The following PAMR1 variants were observed in gnomAD, a reference collection of about 807,000 sequenced individuals.
PAMR1 encodes inactive serine protease PAMR1.
In PAMR1, 88 loss-of-function variants were observed where a neutral mutation model predicts 81.8. The observed-to-expected ratio is 1.08, with a 90% confidence interval of 0.91 to 1.28. The LOEUF is 1.28. PAMR1 is among the 50% of genes most tolerant of loss of function. The pLI is 0.00. For synonymous variants in PAMR1, 336 were observed against 345.3 expected (o/e 0.97, Z 0.30); for missense variants, 935 against 919.7 (o/e 1.02, Z -0.21).
intron 5 of PAMR1, among the ~76,000 whole-genome samples, chr11:35,469,564 G>A (rs1282931745): frequency 1.3e-5 from 2 of 152,198 alleles, no homozygotes; most frequent in African/African-American, 4.8e-5. Context: ...GCCCTGCACA[G>A]CTCCACAGGG....
chr11:35,494,219 G>C lies in PAMR1; in HGVS notation c.127C>G (p.Arg43Gly). The change falls in exon 2 of 11, where the codon CGG becomes GGG. Residue 43 changes from arginine to glycine, a missense_variant. Coordinates refer to ENST00000619888, the MANE Select transcript of PAMR1 (RefSeq NM_001001991.3). ...ATCTGATCATATTCACAGCACTCCC[G>C]ACACATGATATTCCACTCTGCTCCA... ...CPGAEWNIMC[R>G]ECCEYDQIEC... The C allele has an allele frequency of 1.2e-6, 2 of 1,614,066 alleles. No homozygotes were observed. Among genetic ancestry groups the C allele is most frequent in the Non-Finnish European group, 1.7e-6 (2 of 1,179,928 alleles).
At chr11:35,517,315 C>T (rs566713305) in intron 1 of PAMR1, among the ~76,000 whole-genome samples, 171 of 152,298 alleles carry the variant, frequency 1.1e-3, no homozygotes, top group Non-Finnish European at 2.0e-3. Context: ...TCTCAGCAAA[C>T]GTTAAGTGAT....
intron 8 of PAMR1, among the ~76,000 whole-genome samples, chr11:35,437,957 G>A (rs1314195638): frequency 6.6e-6 from 1 of 152,230 alleles, no homozygotes; most frequent in Non-Finnish European, 1.5e-5. Flanking sequence ...CTGAGGAGGG[G>A]TGAAAGACTG....
At chr11:35,514,887 C>G (rs1424967356) in intron 1 of PAMR1, among the ~76,000 whole-genome samples, 1 of 152,072 alleles carries the variant, frequency 6.6e-6, no homozygotes, top group Non-Finnish European at 1.5e-5. Flanking sequence ...CAACTGTGGT[C>G]CCAGCTACTC....
chr11:35,494,637 G>C (rs965144014), intron 1 of PAMR1, among the ~76,000 whole-genome samples: 1 of 152,116 alleles, frequency 6.6e-6, no homozygotes, highest in African/African-American at 2.4e-5. Flanking sequence ...CCGGCCCAGG[G>C]AGTGGTAAGA....
At chr11:35,506,788 T>C (rs902316355) in intron 1 of PAMR1, among the ~76,000 whole-genome samples, 26 of 151,976 alleles carry the variant, frequency 1.7e-4, no homozygotes, top group African/African-American at 5.6e-4. Flanking sequence ...TAGGGTAGTC[T>C]TATTTGGGTC....
At chr11:35,508,818 T>G (rs987377929) in intron 1 of PAMR1, among the ~76,000 whole-genome samples, 16 of 152,278 alleles carry the variant, frequency 1.1e-4, no homozygotes, top group African/African-American at 3.8e-4. Flanking sequence ...TTTCTGTTCT[T>G]GTGTTAGTTG....
chr11:35,451,867 G>C, intron 6 of PAMR1: 1 of 704,766 alleles, frequency 1.4e-6, no homozygotes, highest in African/African-American at 1.8e-5. Context: ...CAAGAAGTCA[G>C]CATCTGAAGC....
chr11:35,494,251 G>C lies in PAMR1; in HGVS notation c.95C>G (p.Ala32Gly), dbSNP rs779554679. ...GATATTCCACTCTGCTCCAGGGCAG[G>C]CTTCATTAATGACTGTGTACTCTGA... ...LPREYTVINE[A>G]CPGAEWNIMC... Residue 32 changes from alanine to glycine, a missense_variant, in exon 2 of 11, where the codon GCC becomes GGC. Coordinates refer to ENST00000619888, the MANE Select transcript of PAMR1 (RefSeq NM_001001991.3). 5.6e-6 allele frequency: 9 copies of C among 1,613,958 alleles called. No homozygotes were observed. In the African/African-American group the frequency reaches 9.3e-5, roughly 17 times the overall value.
At chr11:35,523,996 A>T (rs999495007) in intron 1 of PAMR1, among the ~76,000 whole-genome samples, 3 of 152,060 alleles carry the variant, frequency 2.0e-5, no homozygotes, top group South Asian at 2.1e-4. Context: ...CCTGCCATGT[A>T]ATAAAACAGG....
chr11:35,514,433 C>G (rs1436607869), intron 1 of PAMR1, among the ~76,000 whole-genome samples: 2 of 152,152 alleles, frequency 1.3e-5, no homozygotes, highest in African/African-American at 2.4e-5. Context: ...TCCCTTTTCT[C>G]TAATCCCTCT....
intron 3 of PAMR1, among the ~76,000 whole-genome samples, chr11:35,486,159 T>G (rs982895652): frequency 6.6e-6 from 1 of 152,204 alleles, no homozygotes; most frequent in East Asian, 1.9e-4. Flanking sequence ...TGCGGAATCA[T>G]TGTGTTCCCT....
intron 1 of PAMR1, among the ~76,000 whole-genome samples, chr11:35,511,523 G>A (rs1851071869): frequency 6.6e-6 from 1 of 152,212 alleles, no homozygotes; most frequent in South Asian, 2.1e-4. Flanking sequence ...CTTTTGTCAT[G>A]TGCCTGTTCC....
chr11:35,459,831 G>C (rs1189903591), intron 6 of PAMR1, among the ~76,000 whole-genome samples: 1 of 152,202 alleles, frequency 6.6e-6, no homozygotes, highest in African/African-American at 2.4e-5. Context: ...TTGTCAAAAG[G>C]AGGGGAAAAT....
intron 1 of PAMR1, among the ~76,000 whole-genome samples, chr11:35,525,280 T>C (rs1476962142): frequency 6.6e-6 from 1 of 152,006 alleles, no homozygotes; most frequent in Non-Finnish European, 1.5e-5. Flanking sequence ...GCCCCACGAT[T>C]TGGGATGACA....
rs575654060 is a variant in PAMR1, at chr11:35,508,300, T to C, written c.74-14028A>G. ...AACATGCTTTGTGTTGGGAAGACTG[T>C]GGAGAGGGACATTATGGATATGGAA... On this transcript the variant is annotated intron_variant, in intron 1 of 10. Transcript: ENST00000619888. Among the ~76,000 whole-genome samples, 5 of 152,200 alleles carry C rather than the reference T, an allele frequency of 3.3e-5. No individual in the cohort carries two copies. The South Asian group carries it at 6.2e-4, about 19-fold the overall frequency.
intron 1 of PAMR1, among the ~76,000 whole-genome samples, chr11:35,509,651 A>G (rs755640986): frequency 9.2e-5 from 14 of 152,228 alleles, no homozygotes; most frequent in Admixed American, 2.0e-4. Context: ...TCACTTTACC[A>G]GTGAAGAAAA....
At chr11:35,528,842 T>C (rs1035705527), upstream of PAMR1, 4 of 152,298 alleles carry the variant, frequency 2.6e-5, no homozygotes, top group East Asian at 1.9e-4. Flanking sequence ...CTAATTTGGG[T>C]TTGTAAATTT....
Position 35,455,221 on chromosome 11 carries a change from T to A in PAMR1, c.820+12780A>T, listed in dbSNP as rs182605352. Among the ~76,000 whole-genome samples, 407 of 152,212 alleles carry A rather than the reference T, an allele frequency of 2.7e-3. 1 individual carries two copies. Among genetic ancestry groups the A allele is most frequent in the Non-Finnish European group, 4.7e-3 (319 of 68,008 alleles). On this transcript the variant is annotated intron_variant, in intron 6 of 10. Coordinates refer to ENST00000619888, the MANE Select transcript of PAMR1 (RefSeq NM_001001991.3). ...ACATGATGATAGTGATATCAGGGAG[T>A]AACTATATCAGGAAAATGTGGAGTT...
Sources: gnomAD v4.1 joint callset for allele counts (sites outside exome capture counted in the v4.1 genomes callset) on GRCh38, gnomAD v4.1.1 for gene constraint, MANE v1.5 for transcripts, NCBI Gene and HGNC (gene_info 2026-07-23, HGNC 2026-07-21) for gene names.